The following BCAR3 variants were observed in gnomAD, a reference collection of about 807,000 sequenced individuals.
BCAR3 encodes breast cancer anti-estrogen resistance protein 3.
Under a neutral mutation model 80.1 loss-of-function variants are expected in BCAR3, and 37 were observed. That is an observed-to-expected ratio of 0.46 (90% confidence interval 0.36 to 0.61). The LOEUF (loss-of-function observed/expected upper bound fraction) is 0.61, where lower values mean the gene tolerates loss of function less well. BCAR3 is among the 20% of genes least tolerant of loss of function. BCAR3 has a pLI of 0.00. For synonymous variants in BCAR3, 389 were observed against 418.9 expected (o/e 0.93, Z 0.87); for missense variants, 978 against 1,068.2 (o/e 0.92, Z 1.18).
At chr1:93,616,756 G>A (rs1220645057) in intron 3 of BCAR3, among the ~76,000 whole-genome samples, 3 of 152,178 alleles carry the variant, frequency 2.0e-5, no homozygotes, top group African/African-American at 4.8e-5. Flanking sequence ...TGCCCCTTTC[G>A]GGATAGGGGA....
At chr1:93,785,984 G>A (rs1204029910) in intron 2 of BCAR3, among the ~76,000 whole-genome samples, 2 of 145,386 alleles carry the variant, frequency 1.4e-5, no homozygotes, top group Non-Finnish European at 3.0e-5. Flanking sequence ...ATGAGGTCAG[G>A]AGATCAAGAC....
intron 3 of BCAR3, among the ~76,000 whole-genome samples, chr1:93,641,172 A>T (rs901272329): frequency 6.6e-6 from 1 of 152,218 alleles, no homozygotes; most frequent in African/African-American, 2.4e-5. Flanking sequence ...GGAAAAAAGA[A>T]TATCCACCTC....
chr1:93,588,127 G>C (rs1353834068), intron 5 of BCAR3, among the ~76,000 whole-genome samples: 2 of 152,096 alleles, frequency 1.3e-5, no homozygotes, highest in Non-Finnish European at 2.9e-5. Flanking sequence ...CCTAATTTAA[G>C]TTTTCAGCTC....
intron 2 of BCAR3, among the ~76,000 whole-genome samples, chr1:93,844,292 G>T (rs148331090): frequency 6.6e-6 from 1 of 152,334 alleles, no homozygotes; most frequent in African/African-American, 2.4e-5. Context: ...GGGTGATAGA[G>T]TGAGACTCTG....
In BCAR3 at chr1:93,810,337, A is replaced by G. The variant is rs532570138; in HGVS notation, c.-63+35230T>C. On this transcript the variant is annotated intron_variant, in intron 2 of 13. Transcript: ENST00000370244. ...TTATTGTTACCACACACACACAAAA[A>G]GACTTTTTTGACAACTAGCCCTTAA... Among the ~76,000 whole-genome samples the G allele has an allele frequency of 1.7e-4, 26 of 152,330 alleles. 1 individual carries two copies. The highest frequency in any genetic ancestry group is 1.7e-3 in the Admixed American group (26 of 15,304).
chr1:93,596,055 C>G (rs559128142), intron 3 of BCAR3, among the ~76,000 whole-genome samples: 13 of 152,332 alleles, frequency 8.5e-5, no homozygotes, highest in Admixed American at 2.6e-4. Context: ...ACAACAGAGC[C>G]TCTGCCTTCA....
At position 93,582,436 on chromosome 1, in the gene BCAR3, G is replaced by A; in HGVS notation, c.1551C>T (p.Pro517=). Residue 517 remains proline (P), a synonymous_variant, in exon 7 of 12, where the codon CCC becomes CCT. Coordinates refer to ENST00000260502, the MANE Select transcript of BCAR3 (RefSeq NM_003567.4). The part of the protein sequence containing the change: ...PLLETVSSFR[P]NEFESKFLPP... ...GAAGGAACTTTGACTCAAACTCGTT[G>A]GGCCTGAAGGAGGAGACAGTCTCCA... 2 of 1,614,150 alleles carry A rather than the reference G, an allele frequency of 1.2e-6. 1 individual carries two copies. Among genetic ancestry groups the A allele is most frequent in the East Asian group, 4.5e-5 (2 of 44,876 alleles).
intron 8 of BCAR3, 42 bp from the exon 9 acceptor site, chr1:93,571,883 G>A (rs1245145082): frequency 2.5e-6 from 4 of 1,577,984 alleles, no homozygotes; most frequent in Admixed American, 3.6e-5. Context: ...GGGCCAATGG[G>A]ACTAGGAGAA....
intron 11 of BCAR3, 66 bp downstream of exon 11, chr1:93,567,213 T>C: frequency 6.4e-7 from 1 of 1,562,058 alleles, no homozygotes; most frequent in Non-Finnish European, 8.8e-7. Context: ...TCAGCCATGC[T>C]CTTCCATTCC....
intron 2 of BCAR3, among the ~76,000 whole-genome samples, chr1:93,824,135 G>T (rs1175111338): frequency 5.2e-5 from 7 of 133,976 alleles, no homozygotes; most frequent in African/African-American, 1.8e-4. Context: ...TTTGTTGAAT[G>T]AACAAGAACC....
chr1:93,724,935 A>G (rs1046121133), intron 2 of BCAR3, among the ~76,000 whole-genome samples: 2 of 152,132 alleles, frequency 1.3e-5, no homozygotes, highest in African/African-American at 4.8e-5. Context: ...AGTACTTGAA[A>G]CTGCCTGACG....
intron 8 of BCAR3, among the ~76,000 whole-genome samples, chr1:93,573,628 TTATTA>T (rs1283110553): frequency 1.4e-5 from 2 of 141,742 alleles, no homozygotes; most frequent in African/African-American, 5.6e-5. Flanking sequence ...ATTATTATTA[TTATTA>T]TTTTTTTTTT....
At chr1:93,843,444 C>G (rs1317864209) in intron 2 of BCAR3, among the ~76,000 whole-genome samples, 1 of 152,160 alleles carries the variant, frequency 6.6e-6, no homozygotes, top group African/African-American at 2.4e-5. Context: ...AGAGGATTAA[C>G]TCTTGCAATT....
intron 2 of BCAR3, among the ~76,000 whole-genome samples, chr1:93,787,054 C>G (rs757606124): frequency 6.6e-6 from 1 of 152,212 alleles, no homozygotes; most frequent in Non-Finnish European, 1.5e-5. Flanking sequence ...GTTTAGAGAT[C>G]TATACTTCAC....
At chr1:93,798,370 C>T (rs2100784674) in intron 2 of BCAR3, among the ~76,000 whole-genome samples, 1 of 151,966 alleles carries the variant, frequency 6.6e-6, no homozygotes, top group Non-Finnish European at 1.5e-5. Context: ...TTTTTTTGCT[C>T]AGCATCAGCA....
chr1:93,734,777 C>G (rs902726163), intron 2 of BCAR3, among the ~76,000 whole-genome samples: 1 of 152,190 alleles, frequency 6.6e-6, no homozygotes, highest in Non-Finnish European at 1.5e-5. Context: ...AGCGGGCACA[C>G]AGAGGATGCC....
intron 2 of BCAR3, among the ~76,000 whole-genome samples, chr1:93,763,312 C>A (rs1652020945): frequency 6.6e-6 from 1 of 152,184 alleles, no homozygotes; most frequent in Admixed American, 6.5e-5. Flanking sequence ...GATCCTCCTG[C>A]CTCGGCCTCC....
At chr1:93,760,089 G>T (rs1441081085) in intron 2 of BCAR3, among the ~76,000 whole-genome samples, 2 of 152,250 alleles carry the variant, frequency 1.3e-5, no homozygotes, top group Admixed American at 6.5e-5. Context: ...TAAAAAAGCA[G>T]GTGTTCCAGG....
chr1:93,770,663 A>G (rs1396297560), intron 2 of BCAR3, among the ~76,000 whole-genome samples: 1 of 152,172 alleles, frequency 6.6e-6, no homozygotes, highest in Non-Finnish European at 1.5e-5. Flanking sequence ...AAGGAAACTA[A>G]TGCTTCAATA....
Sources: allele counts gnomAD v4.1 joint callset (sites outside exome capture counted in the v4.1 genomes callset), GRCh38; gene constraint gnomAD v4.1.1; transcripts MANE v1.5; gene names NCBI Gene and HGNC (gene_info 2026-07-23, HGNC 2026-07-21).